Variants in XPA observed in about 807,000 individuals in gnomAD.
XPA encodes XPA, DNA damage recognition and repair factor.
In XPA, 27 loss-of-function variants were observed where a neutral mutation model predicts 35.7. The ratio of observed to expected loss-of-function variants is 0.76; its 90% CI spans 0.56 to 1.04. The LOEUF (loss-of-function observed/expected upper bound fraction) is 1.04, where lower values mean the gene tolerates loss of function less well. XPA is among the 50% of genes least tolerant of loss of function. XPA has a pLI of 0.00. For synonymous variants in XPA, 133 were observed against 118.4 expected, an observed-to-expected ratio of 1.12 and a Z score of -0.80; for missense variants, 354 against 342.7, an observed-to-expected ratio of 1.03 and a Z score of -0.26.
At chr9:97,684,879 A>G in intron 5 of XPA, 44 bp downstream of exon 5, 1 of 1,534,742 alleles carries the variant, frequency 6.5e-7, no homozygotes, top group African/African-American at 1.4e-5. Flanking sequence ...TTTTTGCAAA[A>G]TGGTAAAACA....
chr9:97,671,821 T>A (rs1429347655), downstream of XPA: 1 of 152,228 alleles, frequency 6.6e-6, no homozygotes, highest in Non-Finnish European at 1.5e-5. Context: ...GTAAATCACC[T>A]GGGAATCTTT....
intron 5 of XPA, chr9:97,682,514 T>A: frequency 5.9e-6 from 3 of 507,042 alleles, no homozygotes; most frequent in South Asian, 4.3e-5. Flanking sequence ...GACAGTGGAG[T>A]AATGTTACAG....
chr9:97,654,778 T>C, the XPA span: 6 of 1,016,854 alleles, frequency 5.9e-6, no homozygotes, highest in Non-Finnish European at 9.0e-6. Context: ...TTCAGCATTA[T>C]TAATCATTAT....
chr9:97,669,610 G>T, the XPA span: 2 of 1,610,016 alleles, frequency 1.2e-6, no homozygotes, highest in Non-Finnish European at 1.7e-6. Flanking sequence ...TCATGATCTT[G>T]ACCGAGCACC....
rs1207430431 is a variant in XPA, at chr9:97,688,651, G to A, written c.389+883C>T. ...TGGACTTTAACCACTGTGTCGGTGG[G>A]AAATGAGTTTGTAATCTATAGTTCC... is the stretch of plus-strand genomic sequence containing the variant. On this transcript the variant is annotated intron_variant, in intron 3 of 5. Transcript: ENST00000375128. Among the ~76,000 whole-genome samples the A allele has an allele frequency of 3.3e-5, 5 of 152,248 alleles. 1 individual carries two copies. The East Asian group carries it at 5.8e-4, about 18-fold the overall frequency.
chr9:97,682,195 C>CT, intron 5 of XPA: 1 of 466,832 alleles, frequency 2.1e-6, no homozygotes, highest in Non-Finnish European at 4.3e-6. Context: ...AATATAATCT[C>CT]TTACCTTCCC....
At chr9:97,673,270 T>C (rs1229295989), downstream of XPA, 1 of 152,186 alleles carries the variant, frequency 6.6e-6, no homozygotes, top group Non-Finnish European at 1.5e-5. Context: ...GTGCGGGGTG[T>C]CAGCATCCCT....
chr9:97,697,086 G>C (rs973580992), intron 1 of XPA, 35 bp downstream of exon 1: 3 of 1,512,576 alleles, frequency 2.0e-6, no homozygotes, highest in African/African-American at 1.4e-5. Context: ...GGGAGGCGGG[G>C]AGAGGGAAGG....
chr9:97,671,005 G>T, downstream of XPA: 1 of 842,044 alleles, frequency 1.2e-6, no homozygotes, highest in Non-Finnish European at 1.9e-6. Context: ...TGCAGCATGG[G>T]TGGGCTGCTG....
In XPA at chr9:97,689,631, T is replaced by C; in HGVS notation, c.292A>G (p.Met98Val). ...GKVVHQPGPVMEFDYVICEEC... is the reference protein window; with the variant it reads ...GKVVHQPGPVVEFDYVICEEC... ...TCGCATATTACATAATCAAATTCCA[T>C]AACAGGTCCTAAGAAAAGGAAAATG... Residue 98 changes from methionine to valine, a missense_variant, in exon 3 of 6, where the codon ATG (methionine) becomes GTG (valine). Transcript: ENST00000375128. 12 of 1,595,492 alleles carry C rather than the reference T, an allele frequency of 7.5e-6. No homozygotes were observed. The highest frequency in any genetic ancestry group is 1.0e-5 in the Non-Finnish European group (12 of 1,163,654).
At chr9:97,692,931 C>T (rs1191888357) in intron 2 of XPA, among the ~76,000 whole-genome samples, 1 of 152,046 alleles carries the variant, frequency 6.6e-6, no homozygotes, top group Non-Finnish European at 1.5e-5. Flanking sequence ...ATATTTTAAT[C>T]CTTCAAGTCT....
the XPA span, chr9:97,655,947 T>C: frequency 6.8e-6 from 10 of 1,465,630 alleles, no homozygotes; most frequent in Admixed American, 5.4e-5. Context: ...CAGATAATTA[T>C]AGTACAAATG....
intron 2 of XPA, among the ~76,000 whole-genome samples, chr9:97,691,916 T>A (rs1298572534): frequency 2.1e-5 from 3 of 141,628 alleles, no homozygotes; most frequent in Non-Finnish European, 4.6e-5. Context: ...TATATATATA[T>A]GTAAATAAAT....
chr9:97,670,901 T>C (rs1369536137), downstream of XPA, among the ~76,000 whole-genome samples: 1 of 152,196 alleles, frequency 6.6e-6, no homozygotes, highest in South Asian at 2.1e-4. Context: ...ATCCATTTTT[T>C]TCATTTCCCT....
At chr9:97,688,887 A>T (rs1828798571) in intron 3 of XPA, among the ~76,000 whole-genome samples, 1 of 152,190 alleles carries the variant, frequency 6.6e-6, no homozygotes, top group African/African-American at 2.4e-5. Flanking sequence ...GGGAACAGGT[A>T]AGAGGGCCAA....
the XPA span, among the ~76,000 whole-genome samples, chr9:97,657,950 C>T: frequency 7.0e-6 from 1 of 143,246 alleles, no homozygotes; most frequent in Non-Finnish European, 1.5e-5. Flanking sequence ...TTTTAACGTC[C>T]CCAGCCATTC....
intron 5 of XPA, among the ~76,000 whole-genome samples, chr9:97,682,949 T>G (rs1828591178): frequency 6.6e-6 from 1 of 152,210 alleles, no homozygotes; most frequent in African/African-American, 2.4e-5. Context: ...TCAATCTGTT[T>G]GTCAAATTAC....
intron 4 of XPA, among the ~76,000 whole-genome samples, chr9:97,685,999 TAAG>T (rs1828706172): frequency 6.6e-6 from 1 of 152,226 alleles, no homozygotes; most frequent in African/African-American, 2.4e-5. Context: ...CATCAAGTGA[TAAG>T]AAAGCATATG....
chr9:97,670,698 T>C (rs1006738625), downstream of XPA, among the ~76,000 whole-genome samples: 3 of 152,198 alleles, frequency 2.0e-5, no homozygotes, highest in African/African-American at 7.2e-5. Flanking sequence ...TCTGACTGTT[T>C]ATCTTCCTGT....
Sources: gnomAD v4.1 joint callset for allele counts (sites outside exome capture counted in the v4.1 genomes callset) on GRCh38, gnomAD v4.1.1 for gene constraint, MANE v1.5 for transcripts, NCBI Gene and HGNC (gene_info 2026-07-23, HGNC 2026-07-21) for gene names.